The following XKR6 variants were observed in gnomAD, a reference collection of about 807,000 sequenced individuals.
XKR6 encodes XK related 6, also known as XK-related protein 6.
A neutral mutation model predicts 56.7 loss-of-function variants in XKR6; 22 were observed. The ratio of observed to expected loss-of-function variants is 0.39; its 90% CI spans 0.28 to 0.55. The LOEUF is 0.55. Among genes scored for constraint, XKR6 ranks in the 20% least tolerant of loss-of-function variants. XKR6 has a pLI of 0.66. For missense variants in XKR6, 852 were observed against 889.0 expected (o/e 0.96, Z 0.53); for synonymous variants, 524 against 387.8 (o/e 1.35, Z -4.13).
intron 1 of XKR6, among the ~76,000 whole-genome samples, chr8:10,934,946 A>G (rs1801169040): frequency 9.6e-6 from 1 of 104,410 alleles, no homozygotes; most frequent in Non-Finnish European, 2.0e-5. Flanking sequence ...CTCTTTTTCT[A>G]TTGATTGGAA....
chr8:11,017,242 T>C (rs886155156), intron 1 of XKR6, among the ~76,000 whole-genome samples: 1 of 151,790 alleles, frequency 6.6e-6, no homozygotes, highest in African/African-American at 2.4e-5. Context: ...AGATAGGAGG[T>C]AGATGGATGG....
intron 1 of XKR6, among the ~76,000 whole-genome samples, chr8:11,177,124 G>A (rs1802698834): frequency 6.6e-6 from 1 of 152,190 alleles, no homozygotes; most frequent in Admixed American, 6.5e-5. Flanking sequence ...AAAGCACCAT[G>A]TGCCAGGTTG....
chr8:11,136,579 G>A lies in XKR6; in HGVS notation c.764+63997C>T, dbSNP rs183684655. On this transcript the variant is annotated intron_variant, in intron 1 of 2. Transcript: ENST00000416569. ...ATGGTACTTACAGGTAGGGCCTTTA[G>A]AAGGTTATTAATTAGGTCATAAGGA... 5.3e-5 allele frequency among the ~76,000 whole-genome samples: 8 copies of A among 151,876 alleles called. No homozygotes were observed. The East Asian group carries it at 1.5e-3, about 29-fold the overall frequency.
chr8:11,141,693 T>G (rs577614533), intron 1 of XKR6, among the ~76,000 whole-genome samples: 1 of 152,262 alleles, frequency 6.6e-6, no homozygotes, highest in Non-Finnish European at 1.5e-5. Context: ...GTGTGCCCAG[T>G]ATCAGGAGTG....
chr8:10,924,074 C>G (rs182447768), intron 2 of XKR6, among the ~76,000 whole-genome samples: 1 of 152,204 alleles, frequency 6.6e-6, no homozygotes, highest in Non-Finnish European at 1.5e-5. Context: ...AAATGTCACC[C>G]CATGTGTTGT....
Position 10,898,216 on chromosome 8 carries a change from G to C in XKR6, c.1662C>G (p.Leu554=). 1 of 1,614,182 alleles carries C rather than the reference G, an allele frequency of 6.2e-7. No individual in the cohort carries two copies. The highest frequency in any genetic ancestry group is 1.1e-5 in the South Asian group (1 of 91,076). Residue 554 remains leucine (L), a synonymous_variant, in exon 3 of 3, where the codon CTC becomes CTG. Transcript: ENST00000416569. The surrounding 1 kb of genome is among the most constrained non-coding windows in gnomAD (Gnocchi z 6.6). ...TRAVTEQQED[L]TADTCLPVFQ... ...AAACAGGCAAGCAAGTGTCAGCCGTGAGATCCTCCTGTTGTTCCGTTACGG... is the reference window on the plus strand; with the variant it reads ...AAACAGGCAAGCAAGTGTCAGCCGTCAGATCCTCCTGTTGTTCCGTTACGG...
chr8:11,005,349 G>C (rs899201538), intron 1 of XKR6, among the ~76,000 whole-genome samples: 2 of 151,000 alleles, frequency 1.3e-5, no homozygotes, highest in African/African-American at 2.5e-5. Flanking sequence ...TGGATAAGAA[G>C]TGACTGTAGT....
intron 1 of XKR6, among the ~76,000 whole-genome samples, chr8:11,090,903 A>C (rs902727002): frequency 5.9e-5 from 6 of 102,508 alleles, no homozygotes; most frequent in Admixed American, 3.1e-4. Flanking sequence ...TTCATGAAAT[A>C]CTTGCAATCA....
intron 1 of XKR6, among the ~76,000 whole-genome samples, chr8:10,952,561 C>T (rs1436686409): frequency 2.0e-5 from 3 of 152,208 alleles, no homozygotes; most frequent in Non-Finnish European, 4.4e-5. Context: ...TCAAGCAATC[C>T]TCCCATCTCA....
intron 1 of XKR6, among the ~76,000 whole-genome samples, chr8:10,930,430 C>G (rs976926212): frequency 9.2e-5 from 14 of 152,148 alleles, no homozygotes; most frequent in African/African-American, 3.4e-4. Flanking sequence ...AAGGAAGAAA[C>G]ACTTCCCTAT....
At chr8:11,104,166 G>A (rs953914889) in intron 1 of XKR6, among the ~76,000 whole-genome samples, 5 of 152,168 alleles carry the variant, frequency 3.3e-5, no homozygotes, top group Admixed American at 2.0e-4. Context: ...TTAATGTAGC[G>A]TATGGCAAGC....
At chr8:10,957,047 T>C (rs1249016566) in intron 1 of XKR6, among the ~76,000 whole-genome samples, 1 of 152,068 alleles carries the variant, frequency 6.6e-6, no homozygotes, top group African/African-American at 2.4e-5. Flanking sequence ...GCCTCCTGGG[T>C]TCAAGCAATT....
intron 1 of XKR6, among the ~76,000 whole-genome samples, chr8:11,033,914 G>T (rs182182626): frequency 1.3e-5 from 2 of 152,286 alleles, no homozygotes; most frequent in East Asian, 3.9e-4. Flanking sequence ...TACAAATGAG[G>T]AAACTGAGGC....
intron 2 of XKR6, among the ~76,000 whole-genome samples, chr8:10,902,415 T>G (rs957782134): frequency 6.6e-6 from 1 of 152,150 alleles, no homozygotes; most frequent in Non-Finnish European, 1.5e-5. Flanking sequence ...TTGGGTGGCT[T>G]GCTCAAGACT....
chr8:10,981,726 T>C (rs1055088984), intron 1 of XKR6, among the ~76,000 whole-genome samples: 4 of 152,236 alleles, frequency 2.6e-5, no homozygotes, highest in South Asian at 2.1e-4. Flanking sequence ...TCTAATGACT[T>C]AAGCAATTTC....
chr8:10,946,393 A>T (rs1381843421), intron 1 of XKR6, among the ~76,000 whole-genome samples: 4 of 152,118 alleles, frequency 2.6e-5, no homozygotes, highest in Admixed American at 2.6e-4. Context: ...GGGGCAGTGA[A>T]CGTGCTTGTA....
At chr8:11,184,431 T>A (rs1803162135) in intron 1 of XKR6, among the ~76,000 whole-genome samples, 1 of 151,608 alleles carries the variant, frequency 6.6e-6, no homozygotes. Context: ...TTATATTACA[T>A]TTATTAGTAA....
intron 1 of XKR6, among the ~76,000 whole-genome samples, chr8:11,055,176 A>G (rs912337571): frequency 6.6e-6 from 1 of 152,210 alleles, no homozygotes; most frequent in African/African-American, 2.4e-5. Context: ...GAAGTGAGAG[A>G]GATTGGGCTC....
At chr8:11,037,099 G>A (rs1245534901) in intron 1 of XKR6, among the ~76,000 whole-genome samples, 2 of 152,222 alleles carry the variant, frequency 1.3e-5, no homozygotes, top group Non-Finnish European at 2.9e-5. Context: ...ACGTGACACA[G>A]AAATAACACA....
Sources: allele counts gnomAD v4.1 joint callset (sites outside exome capture counted in the v4.1 genomes callset), GRCh38; gene constraint gnomAD v4.1.1; non-coding constraint Gnocchi (gnomAD v3.1); transcripts MANE v1.5; gene names NCBI Gene and HGNC (gene_info 2026-07-23, HGNC 2026-07-21).